OSBPL8: variants seen among roughly 807,000 people sequenced by gnomAD.
The protein encoded by OSBPL8 is oxysterol-binding protein-related protein 8.
In OSBPL8, 59 loss-of-function variants were observed where a neutral mutation model predicts 125.5. The ratio of observed to expected loss-of-function variants is 0.47; its 90% CI spans 0.38 to 0.58. The LOEUF is 0.58. OSBPL8 is among the 20% of genes least tolerant of loss of function. OSBPL8 has a pLI of 0.00. For missense variants in OSBPL8, 758 were observed against 1,047.8 expected, an observed-to-expected ratio of 0.72 and a Z score of 3.82; for synonymous variants, 330 against 338.9, an observed-to-expected ratio of 0.97 and a Z score of 0.29.
intron 18 of OSBPL8, 128 bp from the exon 19 acceptor site, chr12:76,371,712 A>G (rs935762043): frequency 2.3e-6 from 2 of 863,144 alleles, no homozygotes; most frequent in Non-Finnish European, 3.1e-6. Flanking sequence ...TAAAACAAAT[A>G]TAACTAGCAC....
chr12:76,371,012 C>T (rs551207866), intron 19 of OSBPL8, among the ~76,000 whole-genome samples: 94 of 152,166 alleles, frequency 6.2e-4, no homozygotes, highest in Admixed American at 2.2e-3. Context: ...CTAATAAATC[C>T]TATAGAAGCC....
intron 1 of OSBPL8, among the ~76,000 whole-genome samples, chr12:76,547,500 TA>T (rs1169017877): frequency 1.3e-5 from 2 of 152,038 alleles, no homozygotes; most frequent in African/African-American, 4.8e-5. Flanking sequence ...AAATGAAAAT[TA>T]AGGCTTCCAA....
At chr12:76,517,552 T>C (rs1203672873) in intron 1 of OSBPL8, among the ~76,000 whole-genome samples, 2 of 152,176 alleles carry the variant, frequency 1.3e-5, no homozygotes, top group African/African-American at 4.8e-5. Context: ...ATGATAAATT[T>C]TAAATACTTG....
intron 12 of OSBPL8, among the ~76,000 whole-genome samples, chr12:76,387,227 T>C (rs1337277150): frequency 6.6e-6 from 1 of 152,214 alleles, no homozygotes; most frequent in African/African-American, 2.4e-5. Flanking sequence ...AGGTTGACGA[T>C]AGCCTCTTTT....
chr12:76,478,871 G>T (rs987501814), intron 2 of OSBPL8, among the ~76,000 whole-genome samples: 2 of 152,076 alleles, frequency 1.3e-5, no homozygotes, highest in African/African-American at 4.8e-5. Flanking sequence ...GGATCATGAC[G>T]TCAGGAGATC....
chr12:76,527,751 T>C (rs556670596), intron 1 of OSBPL8, among the ~76,000 whole-genome samples: 3 of 152,316 alleles, frequency 2.0e-5, no homozygotes, highest in African/African-American at 7.2e-5. Flanking sequence ...AGAAGAGTCC[T>C]GAGCTTAGGG....
chr12:76,498,294 T>C (rs1879491194), intron 1 of OSBPL8, among the ~76,000 whole-genome samples: 1 of 152,242 alleles, frequency 6.6e-6, no homozygotes, highest in Admixed American at 6.5e-5. Context: ...TTCCTGATTC[T>C]GGTCCTTTTT....
chr12:76,492,721 T>C (rs143083988), intron 1 of OSBPL8, among the ~76,000 whole-genome samples: 2,818 of 152,292 alleles, frequency 0.019, 42 homozygotes, highest in Non-Finnish European at 0.03. Flanking sequence ...ACCCTCAAGA[T>C]GGACCATCTA....
chr12:76,410,742 G>T lies in OSBPL8; in HGVS notation c.218-108C>A. 3 of 715,970 alleles carry T rather than the reference G, an allele frequency of 4.2e-6. No homozygotes were observed. In the South Asian group the frequency reaches 5.2e-5, roughly 12 times the overall value. 44.4% of individuals were successfully genotyped at this position (715,970 alleles called of 1,614,324 possible). ...TGATATAAATCAGTGCAGGAAGCCTGTACACACAGCTTTAAACTATTAAAG... is the reference window on the plus strand; with the variant it reads ...TGATATAAATCAGTGCAGGAAGCCTTTACACACAGCTTTAAACTATTAAAG... On this transcript the variant is annotated intron_variant, in intron 4 of 23. Coordinates refer to ENST00000261183, the MANE Select transcript of OSBPL8 (RefSeq NM_020841.5).
intron 2 of OSBPL8, among the ~76,000 whole-genome samples, chr12:76,468,232 G>A (rs1280411673): frequency 1.3e-5 from 2 of 151,922 alleles, no homozygotes; most frequent in African/African-American, 4.8e-5. Context: ...AAGAACATCT[G>A]GTGGCACCCT....
chr12:76,388,318 A>G (rs553849408), intron 12 of OSBPL8, among the ~76,000 whole-genome samples: 1 of 152,330 alleles, frequency 6.6e-6, no homozygotes, highest in Non-Finnish European at 1.5e-5. Flanking sequence ...TACTTTTGGT[A>G]AATACTGCCA....
At chr12:76,376,009 C>T in intron 16 of OSBPL8, among the ~76,000 whole-genome samples, 1 of 152,212 alleles carries the variant, frequency 6.6e-6, no homozygotes, top group East Asian at 1.9e-4. Context: ...CATCAGGTTT[C>T]TTTAAATAGA....
rs192094776 is a variant in OSBPL8 at position 76,490,029 on chromosome 12, C to T, written c.-67-2411G>A. 7.0e-4 allele frequency among the ~76,000 whole-genome samples: 106 copies of T among 152,172 alleles called. 2 individuals are homozygous for T. The highest frequency in any genetic ancestry group is 2.5e-3 in the African/African-American group (103 of 41,508). On this transcript the variant is annotated intron_variant, in intron 1 of 23. Transcript: ENST00000261183. Reference sequence around the variant, plus strand: ...GTGCAGGAAGTTGCTACTGATGTGGCGAAAATAGCAAGACAACTAGAATTA... The same window carrying T: ...GTGCAGGAAGTTGCTACTGATGTGGTGAAAATAGCAAGACAACTAGAATTA...
In OSBPL8 at chr12:76,389,644, C is replaced by G; in HGVS notation, c.1352+1G>C. On this transcript the variant is annotated splice_donor_variant, in intron 12 of 23. Coordinates refer to ENST00000261183, the MANE Select transcript of OSBPL8 (RefSeq NM_020841.5). LOFTEE classifies it high-confidence loss of function. ...ATTTTAAGAAATAAGAATCTACTTACTCAGATAGGAAATCTGCATGATAGT... is the reference window on the plus strand; with the variant it reads ...ATTTTAAGAAATAAGAATCTACTTAGTCAGATAGGAAATCTGCATGATAGT... 1 of 1,544,620 alleles carries G rather than the reference C, an allele frequency of 6.5e-7. No homozygotes were observed. The highest frequency in any genetic ancestry group is 1.4e-5 in the African/African-American group (1 of 72,148).
At chr12:76,431,979 G>A (rs1156877163) in intron 4 of OSBPL8, among the ~76,000 whole-genome samples, 1 of 151,906 alleles carries the variant, frequency 6.6e-6, no homozygotes, top group Non-Finnish European at 1.5e-5. Context: ...CCTATGTTAG[G>A]TAACCAAAAA....
At chr12:76,413,796 T>A (rs1331996655) in intron 4 of OSBPL8, among the ~76,000 whole-genome samples, 3 of 152,156 alleles carry the variant, frequency 2.0e-5, no homozygotes, top group Admixed American at 6.5e-5. Flanking sequence ...AAATCGTCTA[T>A]CTTTTCTTAT....
At chr12:76,426,379 G>A (rs1306166582) in intron 4 of OSBPL8, among the ~76,000 whole-genome samples, 1 of 152,114 alleles carries the variant, frequency 6.6e-6, no homozygotes, top group South Asian at 2.1e-4. Context: ...AATACACTCT[G>A]TTAAATTTAA....
At chr12:76,365,844 A>G (rs947233433) in intron 21 of OSBPL8, among the ~76,000 whole-genome samples, 3 of 152,190 alleles carry the variant, frequency 2.0e-5, no homozygotes, top group Non-Finnish European at 4.4e-5. Flanking sequence ...TTCTATGCCA[A>G]TTGAAATGAC....
chr12:76,391,583 C>CAATA (rs549587610), intron 10 of OSBPL8, among the ~76,000 whole-genome samples: 11 of 151,930 alleles, frequency 7.2e-5, no homozygotes, highest in Non-Finnish European at 1.2e-4. Flanking sequence ...GACTATGTCT[C>CAATA]AATAAATAAA....
Sources: gnomAD v4.1 joint callset for allele counts (sites outside exome capture counted in the v4.1 genomes callset) on GRCh38, gnomAD v4.1.1 for gene constraint, MANE v1.5 for transcripts, NCBI Gene and HGNC (gene_info 2026-07-23, HGNC 2026-07-21) for gene names.